Variants in ACSM2B observed in about 807,000 individuals in gnomAD.
ACSM2B encodes the protein acyl-CoA synthetase medium chain family member 2B.
Under a neutral mutation model 78.6 loss-of-function variants are expected in ACSM2B, and 58 were observed. The ratio of observed to expected loss-of-function variants is 0.74; its 90% CI spans 0.60 to 0.92. ACSM2B has a LOEUF of 0.92. Ranked by LOEUF, ACSM2B falls within the 40% of genes least tolerant of loss-of-function variation. ACSM2B has a pLI of 0.00. For missense variants in ACSM2B, 688 were observed against 711.2 expected (o/e 0.97, Z 0.37); for synonymous variants, 257 against 256.8 (o/e 1.00, Z -0.01).
At position 20,548,401 on chromosome 16, in the gene ACSM2B, G is replaced by C; in HGVS notation, c.967C>G (p.Leu323Val). The C allele has an allele frequency of 6.2e-7, 1 of 1,613,682 alleles. No individual in the cohort carries two copies. Among genetic ancestry groups the C allele is most frequent in the Non-Finnish European group, 8.5e-7 (1 of 1,179,726 alleles). Residue 323 changes from leucine (L) to valine (V), a missense_variant, in exon 7 of 14, where the codon CTT becomes GTT. Physicochemically the swap from Leu to Val is conservative, Grantham distance 32. Transcript: ENST00000329697. ...IVYRMLLQQD[L>V]SSYKFPHLQN... is the part of the protein sequence containing the mutation. ...TCCTCAAAGCCCCATCACCTGGAAA[G>C]ATCCTGCTGTAGCAACATCCGGTAA...
At chr16:20,559,993 T>G (rs1596726223) in intron 2 of ACSM2B, among the ~76,000 whole-genome samples, 1 of 151,220 alleles carries the variant, frequency 6.6e-6, no homozygotes, top group East Asian at 1.9e-4. Flanking sequence ...CTACTTACTT[T>G]TTTTAATTTT....
At chr16:20,549,017 G>C (rs1305726997) in intron 6 of ACSM2B, among the ~76,000 whole-genome samples, 1 of 152,182 alleles carries the variant, frequency 6.6e-6, no homozygotes, top group Admixed American at 6.5e-5. Context: ...TACTTGCCAT[G>C]TCCTGTGTTA....
chr16:20,561,207 A>C (rs1221870355), intron 2 of ACSM2B, among the ~76,000 whole-genome samples: 1 of 152,096 alleles, frequency 6.6e-6, no homozygotes. Context: ...GATTTCATTT[A>C]TATAAGGTAC....
rs533552207 is a variant in ACSM2B at position 20,545,010 on chromosome 16, T to G, written c.1281+147A>C. The stretch of plus-strand genomic sequence containing the variant: ...GGCTGAATAGCCACTTTTCTTCCAC[T>G]GGCAAAGCATACATTCTTGAAAACT... On this transcript the variant is annotated intron_variant, in intron 10 of 13. Coordinates refer to ENST00000329697, the MANE Select transcript of ACSM2B (RefSeq NM_001105069.2). The G allele has an allele frequency of 4.1e-5, 49 of 1,183,944 alleles. No homozygotes were observed. In the Admixed American group the frequency reaches 9.6e-4, roughly 23 times the overall value. The allele number at this position is 1,183,944 out of a possible 1,614,324, so 73.3% of individuals were successfully genotyped here. A position where few individuals can be genotyped will look rare whatever the true frequency, so the allele number is the denominator to read the frequency against.
At chr16:20,544,722 T>A (rs1408084203) in intron 10 of ACSM2B, 1 of 985,664 alleles carries the variant, frequency 1.0e-6, no homozygotes, top group African/African-American at 1.8e-5. Context: ...CTTCCCAAGA[T>A]CTGAAGATAG....
In ACSM2B at chr16:20,544,498, G is replaced by A. The variant is rs576535835; in HGVS notation, c.1281+659C>T. The A allele has an allele frequency of 2.9e-4, 242 of 830,704 alleles. 1 individual carries two copies. In the South Asian group the frequency reaches 7.9e-3, roughly 27 times the overall value. The allele number at this position is 830,704 out of a possible 1,614,324, so 51.5% of individuals were successfully genotyped here. ...TTTATACAACAATGCTTGCCTCATG[G>A]TATGCATTCAATAAATGGTAGAAAC... On this transcript the variant is annotated intron_variant, in intron 10 of 13. Coordinates refer to ENST00000329697, the MANE Select transcript of ACSM2B (RefSeq NM_001105069.2).
At chr16:20,576,053 C>T (rs1043111471) in intron 1 of ACSM2B, among the ~76,000 whole-genome samples, 154 bp downstream of exon 1, 4 of 148,080 alleles carry the variant, frequency 2.7e-5, no homozygotes, top group Admixed American at 6.6e-5. Flanking sequence ...AGTGTTTCCT[C>T]CTAAGACTTG....
Position 20,553,765 on chromosome 16 carries a change from A to C in ACSM2B, c.740+12T>G. On this transcript the variant is annotated intron_variant, in intron 5 of 13. Coordinates refer to ENST00000329697, the MANE Select transcript of ACSM2B (RefSeq NM_001105069.2). ...CATGCAATTCTCTGTAGAGAGAAAG[A>C]GCTCAGCTTACCCAGCATCCATCTT... 6.2e-7 allele frequency: 1 copy of C among 1,607,568 alleles called. No individual in the cohort carries two copies.
rs2015193818 is a variant in ACSM2B at position 20,548,071 on chromosome 16, C to G, written c.1089G>C (p.Gln363His). 5.6e-6 allele frequency: 9 copies of G among 1,614,046 alleles called. No individual in the cohort carries two copies. The highest frequency in any genetic ancestry group is 6.8e-6 in the Non-Finnish European group (8 of 1,179,916). The stretch of plus-strand genomic sequence containing the variant: ...CCCTGGGAACAGGTACCGTTTCTGT[C>G]TGGCCATAGAATTCTCGGATGTCCA... ...TGLDIREFYG[Q>H]TETGLTCMVS... Residue 363 changes from glutamine to histidine, a missense_variant, in exon 8 of 14, where the codon CAG (glutamine) becomes CAC (histidine). By Grantham distance (24) the Gln-to-His change is conservative (BLOSUM62 0). Coordinates refer to ENST00000329697, the MANE Select transcript of ACSM2B (RefSeq NM_001105069.2).
intron 12 of ACSM2B, chr16:20,542,687 A>G (rs2152132088): frequency 3.5e-6 from 2 of 572,742 alleles, no homozygotes; most frequent in Non-Finnish European, 6.0e-6. Context: ...TAAGTACTTT[A>G]CAAATATTAG....
chr16:20,545,723 A>C (rs2015119930), intron 9 of ACSM2B, among the ~76,000 whole-genome samples: 2 of 152,228 alleles, frequency 1.3e-5, no homozygotes, highest in South Asian at 4.1e-4. Flanking sequence ...GATACTAAGA[A>C]AGGGGCTTAG....
At chr16:20,555,117 A>C (rs1342412821) in intron 4 of ACSM2B, 152 bp downstream of exon 4, 16 of 1,328,072 alleles carry the variant, frequency 1.2e-5, no homozygotes, top group Non-Finnish European at 1.5e-5. Flanking sequence ...GAAAAAAAAA[A>C]CCCTTGTATT....
chr16:20,536,998 C>A lies in ACSM2B; in HGVS notation c.*260G>T. ...TTTATTTCTTTTTCAATTGCTTTCTCTTGCAGTTTTTAACATTTCCCTGAC... is the reference window on the plus strand; with the variant it reads ...TTTATTTCTTTTTCAATTGCTTTCTATTGCAGTTTTTAACATTTCCCTGAC... On this transcript the variant is annotated 3_prime_UTR_variant, in exon 14 of 14. Coordinates refer to ENST00000329697, the MANE Select transcript of ACSM2B (RefSeq NM_001105069.2). The A allele has an allele frequency of 2.9e-6, 1 of 350,276 alleles. No homozygotes were observed. Among genetic ancestry groups the A allele is most frequent in the East Asian group, 4.6e-5 (1 of 21,760 alleles). 21.7% of individuals were successfully genotyped at this position (350,276 alleles called of 1,614,324 possible).
rs1429178288 is a variant in ACSM2B at position 20,555,449 on chromosome 16, T to C, written c.416A>G (p.Gln139Arg). 7 of 1,613,566 alleles carry C rather than the reference T, an allele frequency of 4.3e-6. No individual in the cohort carries two copies. The East Asian group carries it at 1.6e-4, about 36-fold the overall frequency. ...AGLIFMPGTI[Q>R]MKSTDILYRL... ...ATACAGTATGTCAGTGGATTTCATC[T>C]GGATGGTTCCAGGCATAAAGATGAG... Residue 139 changes from glutamine (Q) to arginine (R), a missense_variant, in exon 4 of 14, where the codon CAG (glutamine) becomes CGG (arginine). By Grantham distance (43) the Gln-to-Arg change is conservative. Coordinates refer to ENST00000329697, the MANE Select transcript of ACSM2B (RefSeq NM_001105069.2).
At chr16:20,543,108 C>A (rs1230989323) in intron 11 of ACSM2B, 27 bp downstream of exon 11, 1 of 1,613,668 alleles carries the variant, frequency 6.2e-7, no homozygotes, top group East Asian at 2.2e-5. Context: ...CCCAGATTTC[C>A]CTTCCCAACC....
chr16:20,553,826 C>T lies in ACSM2B; in HGVS notation c.691G>A (p.Ala231Thr). Residue 231 changes from alanine to threonine, a missense_variant, in exon 5 of 14, where the codon GCA (alanine) becomes ACA (threonine). Transcript: ENST00000329697. ...TSGTSGLPKM[A>T]EHSYSSLGLK... ...CCCAGGCTCGAGTAGGAATGTTCTG[C>T]CATCTTGGGAAGACCACTGGTCCCA... 1.2e-6 allele frequency: 2 copies of T among 1,612,916 alleles called. No homozygotes were observed. The highest frequency in any genetic ancestry group is 1.7e-6 in the Non-Finnish European group (2 of 1,179,098).
chr16:20,567,176 T>G (rs2015923698), intron 1 of ACSM2B, among the ~76,000 whole-genome samples: 1 of 133,772 alleles, frequency 7.5e-6, no homozygotes, highest in East Asian at 2.1e-4. Context: ...TTATATATAA[T>G]ACTATTATAA....
intron 6 of ACSM2B, among the ~76,000 whole-genome samples, chr16:20,550,405 T>G (rs1381434121): frequency 6.6e-6 from 1 of 152,188 alleles, no homozygotes; most frequent in African/African-American, 2.4e-5. Context: ...TTTGCTATAT[T>G]TCTCCTTAAT....
At chr16:20,568,999 C>G (rs1204340061) in intron 1 of ACSM2B, among the ~76,000 whole-genome samples, 2 of 151,842 alleles carry the variant, frequency 1.3e-5, no homozygotes, top group Non-Finnish European at 2.9e-5. Context: ...AAGATTTTCT[C>G]TCACTCCATG....
Sources: allele counts gnomAD v4.1 joint callset (sites outside exome capture counted in the v4.1 genomes callset), GRCh38; gene constraint gnomAD v4.1.1; transcripts MANE v1.5; gene names NCBI Gene and HGNC (gene_info 2026-07-23, HGNC 2026-07-21).